WWP1: variants seen among roughly 807,000 people sequenced by gnomAD.
WWP1 encodes WW domain containing E3 ubiquitin protein ligase 1, also known as NEDD4-like E3 ubiquitin-protein ligase WWP1.
In WWP1, 49 loss-of-function variants were observed where a neutral mutation model predicts 130.6. The observed-to-expected ratio is 0.38, with a 90% confidence interval of 0.30 to 0.48. The LOEUF is 0.48. Among genes scored for constraint, WWP1 ranks in the 20% least tolerant of loss-of-function variants. The pLI, the probability that WWP1 is intolerant of heterozygous loss-of-function variation, is 0.99. For synonymous variants in WWP1, 332 were observed against 367.8 expected (o/e 0.90, Z 1.11); for missense variants, 809 against 1,100.6 (o/e 0.74, Z 3.75).
Position 86,454,850 on chromosome 8 carries a change from C to T in WWP1, c.2394+2171C>T, listed in dbSNP as rs75611628. ...TTTTACATATAAGATGACTGAAGCC[C>T]TTAATGATTATTTGCCCTGAGCTAA... On this transcript the variant is annotated intron_variant, in intron 21 of 24. Coordinates refer to ENST00000517970, the MANE Select transcript of WWP1 (RefSeq NM_007013.4). Among the ~76,000 whole-genome samples the T allele has an allele frequency of 3.1e-3, 471 of 152,066 alleles. 2 individuals are homozygous for T. Among genetic ancestry groups the T allele is most frequent in the African/African-American group, 0.011 (449 of 41,518 alleles).
intron 20 of WWP1, among the ~76,000 whole-genome samples, chr8:86,451,950 A>G (rs1361608484): frequency 6.6e-6 from 1 of 152,230 alleles, no homozygotes; most frequent in South Asian, 2.1e-4. Context: ...GAGTTCTTCT[A>G]TTCTAGTTAG....
rs780022183 is a variant in WWP1 at position 86,431,499 on chromosome 8, A to G, written c.1472+9A>G. On this transcript the variant is annotated intron_variant, in intron 13 of 24. Coordinates refer to ENST00000517970, the MANE Select transcript of WWP1 (RefSeq NM_007013.4). ...GATCCAAGAACTCAAGGGTATGTAT[A>G]TACAGCAGCCTTAAGTCGTCTTGCA... The G allele has an allele frequency of 1.2e-6, 2 of 1,612,776 alleles. No homozygotes were observed. Among genetic ancestry groups the G allele is most frequent in the Non-Finnish European group, 1.7e-6 (2 of 1,179,388 alleles).
At chr8:86,343,633 TTGCTC>T (rs1308398914) in intron 1 of WWP1, among the ~76,000 whole-genome samples, 2 of 152,198 alleles carry the variant, frequency 1.3e-5, no homozygotes, top group Non-Finnish European at 2.9e-5. Flanking sequence ...AGTCCTTTCT[TTGCTC>T]TGCCGATTTG....
At chr8:86,356,165 GT>G (rs34743393) in intron 1 of WWP1, among the ~76,000 whole-genome samples, 111,362 of 151,998 alleles carry the variant, frequency 0.73, 41,697 homozygotes, top group African/African-American at 0.84. Flanking sequence ...CAGGTTCCGT[GT>G]TTTAAGACTG....
intron 1 of WWP1, among the ~76,000 whole-genome samples, chr8:86,358,413 C>T (rs1354686302): frequency 1.3e-5 from 2 of 151,924 alleles, no homozygotes; most frequent in African/African-American, 4.8e-5. Flanking sequence ...TAGCAGTTAA[C>T]ATAATAATAT....
At chr8:86,427,852 C>A (rs1421402488) in intron 11 of WWP1, 35 bp downstream of exon 11, 3 of 1,569,006 alleles carry the variant, frequency 1.9e-6, no homozygotes, top group Non-Finnish European at 1.7e-6. Flanking sequence ...AACATAACTT[C>A]CTCCCTCAGG....
intron 2 of WWP1, among the ~76,000 whole-genome samples, chr8:86,372,172 C>T (rs1225550123): frequency 3.3e-5 from 5 of 151,340 alleles, no homozygotes; most frequent in South Asian, 2.1e-4. Context: ...TACAGGCGCG[C>T]GCCACCATGC....
At chr8:86,349,850 A>G (rs1313575977) in intron 1 of WWP1, among the ~76,000 whole-genome samples, 3 of 151,860 alleles carry the variant, frequency 2.0e-5, no homozygotes, top group Non-Finnish European at 2.9e-5. Context: ...GTGAATTGGA[A>G]CAGACAGCAT....
intron 8 of WWP1, among the ~76,000 whole-genome samples, chr8:86,408,585 G>C (rs1467235299): frequency 6.6e-6 from 1 of 152,098 alleles, no homozygotes; most frequent in African/African-American, 2.4e-5. Context: ...GATATTTTAT[G>C]TCTGTATTCA....
chr8:86,402,599 G>A (rs1011587796), intron 8 of WWP1, among the ~76,000 whole-genome samples: 1 of 152,092 alleles, frequency 6.6e-6, no homozygotes, highest in Non-Finnish European at 1.5e-5. Flanking sequence ...AGCCTGTGCA[G>A]TCTTTCTTAA....
At chr8:86,405,814 G>A (rs1808247616) in intron 8 of WWP1, among the ~76,000 whole-genome samples, 1 of 151,340 alleles carries the variant, frequency 6.6e-6, no homozygotes, top group African/African-American at 2.4e-5. Flanking sequence ...TTACAGGGGT[G>A]AGCTACCATG....
At chr8:86,378,457 T>G (rs1045062180) in intron 3 of WWP1, among the ~76,000 whole-genome samples, 4 of 152,058 alleles carry the variant, frequency 2.6e-5, no homozygotes, top group African/African-American at 9.7e-5. Flanking sequence ...TTGAGTTAAC[T>G]CTCCCTACCC....
In WWP1 at chr8:86,355,842, CTT is replaced by C. The variant is rs548517464; in HGVS notation, c.-115+12913_-115+12914del. On this transcript the variant is annotated intron_variant, in intron 1 of 24. Coordinates refer to ENST00000517970, the MANE Select transcript of WWP1 (RefSeq NM_007013.4). ...AGTAACTTCAGATTGATACAGCAAACTTCTCATTTTAAGGCATGGGTTAGCTC... is the reference window on the plus strand; with the variant it reads ...AGTAACTTCAGATTGATACAGCAAACCTCATTTTAAGGCATGGGTTAGCTC... 2.0e-4 allele frequency among the ~76,000 whole-genome samples: 31 copies of C among 152,284 alleles called. No individual in the cohort carries two copies. The South Asian group carries it at 6.4e-3, about 32-fold the overall frequency.
At chr8:86,464,222 A>G (rs1452653291) in intron 24 of WWP1, among the ~76,000 whole-genome samples, 2 of 152,320 alleles carry the variant, frequency 1.3e-5, no homozygotes, top group East Asian at 3.9e-4. Context: ...TGACAAGATG[A>G]GTAATCTCCA....
chr8:86,411,755 C>T lies in WWP1; in HGVS notation c.942C>T (p.Asp314=). 4.3e-6 allele frequency: 7 copies of T among 1,614,076 alleles called. No homozygotes were observed. Among genetic ancestry groups the T allele is most frequent in the Non-Finnish European group, 5.9e-6 (7 of 1,179,944 alleles). ...AAGCTAGAAGTATATTAGAGCCTGA[C>T]ACCTCTAATTCTAGAAGTAGTTCTG... ...ESEARSILEP[D]TSNSRSSSAF... The change falls in exon 9 of 25, where the codon GAC becomes GAT. Residue 314 remains aspartate, a synonymous_variant. Coordinates refer to ENST00000517970, the MANE Select transcript of WWP1 (RefSeq NM_007013.4).
At chr8:86,370,506 A>G (rs945361269) in intron 2 of WWP1, among the ~76,000 whole-genome samples, 2 of 152,176 alleles carry the variant, frequency 1.3e-5, no homozygotes, top group African/African-American at 4.8e-5. Flanking sequence ...TTTGGACCTT[A>G]GCAGTTCTTT....
intron 8 of WWP1, among the ~76,000 whole-genome samples, chr8:86,410,575 G>A (rs1808525571): frequency 6.6e-6 from 1 of 152,078 alleles, no homozygotes; most frequent in African/African-American, 2.4e-5. Context: ...TTCCCCTAGA[G>A]ATTCAGTAAG....
intron 24 of WWP1, among the ~76,000 whole-genome samples, chr8:86,465,428 G>A (rs1178236797): frequency 2.0e-5 from 3 of 152,106 alleles, no homozygotes; most frequent in Non-Finnish European, 4.4e-5. Context: ...ATGAGGAGGA[G>A]CCTGGGCAAC....
At chr8:86,353,119 T>C (rs535777307) in intron 1 of WWP1, among the ~76,000 whole-genome samples, 210 of 152,320 alleles carry the variant, frequency 1.4e-3, no homozygotes, top group Admixed American at 4.2e-3. Context: ...GTGTCTCTTA[T>C]AGGGAAAAGC....
Sources: gnomAD v4.1 joint callset for allele counts (sites outside exome capture counted in the v4.1 genomes callset) on GRCh38, gnomAD v4.1.1 for gene constraint, MANE v1.5 for transcripts, NCBI Gene and HGNC (gene_info 2026-07-23, HGNC 2026-07-21) for gene names.